Variants in ACSBG1 observed in about 807,000 individuals in gnomAD.
The protein encoded by ACSBG1 is long-chain-fatty-acid--CoA ligase ACSBG1.
A neutral mutation model predicts 80.2 loss-of-function variants in ACSBG1; 39 were observed. The ratio of observed to expected loss-of-function variants is 0.49; its 90% CI spans 0.38 to 0.64. The LOEUF is 0.64. Ranked by LOEUF, ACSBG1 falls within the 30% of genes least tolerant of loss-of-function variation. The pLI, the probability that ACSBG1 is intolerant of heterozygous loss-of-function variation, is 0.00. For synonymous variants in ACSBG1, 392 were observed against 379.5 expected (o/e 1.03, Z -0.38); for missense variants, 828 against 966.4 (o/e 0.86, Z 1.90).
chr15:78,209,114 T>C (rs762120381), intron 1 of ACSBG1: 8 of 455,656 alleles, frequency 1.8e-5, no homozygotes, highest in South Asian at 1.2e-4. Context: ...GCCCCATCCC[T>C]GCCCAGTTCC....
chr15:78,173,513 C>T, intron 13 of ACSBG1, 80 bp downstream of exon 13: 1 of 1,551,160 alleles, frequency 6.4e-7, no homozygotes, highest in South Asian at 1.2e-5. Flanking sequence ...GTGGCTGCTT[C>T]CTAACAGGCA....
In ACSBG1 at chr15:78,194,598, C is replaced by T. The variant is rs147550012; in HGVS notation, c.361G>A (p.Ala121Thr). ...EALDKYGDLIALGFKRQDKWE... is the reference protein window; with the variant it reads ...EALDKYGDLITLGFKRQDKWE... The stretch of plus-strand genomic sequence containing the variant: ...TTGTCCTGGCGCTTGAAGCCCAAAG[C>T]GATGAGGTCCCCATACTTATCCAGG... Residue 121 changes from alanine (A) to threonine (T), a missense_variant, in exon 3 of 14, where the codon GCT becomes ACT. Physicochemically the swap from Ala to Thr is moderately conservative, Grantham distance 58. This residue lies in a region of ACSBG1 where 356 missense variants were observed against 363.5 expected (regional missense o/e 0.98). Transcript: ENST00000258873. 1.9e-6 allele frequency: 3 copies of T among 1,614,140 alleles called. No individual in the cohort carries two copies. Among genetic ancestry groups the T allele is most frequent in the African/African-American group, 2.7e-5 (2 of 74,952 alleles).
In ACSBG1 at chr15:78,194,649, T is replaced by A; in HGVS notation, c.310A>T (p.Thr104Ser). Residue 104 changes from threonine (T) to serine (S), a missense_variant, in exon 3 of 14, where the codon ACT (threonine) becomes TCT (serine). By Grantham distance (58) the Thr-to-Ser change is moderately conservative. This residue lies in a region of ACSBG1 where 356 missense variants were observed against 363.5 expected (regional missense o/e 0.98). Coordinates refer to ENST00000258873, the MANE Select transcript of ACSBG1 (RefSeq NM_015162.5). ...GCCTCGTAGAACATCCGATGCACAG[T>A]GTAGGGAAGCTGTGGGCAGCTGGGG... is the stretch of plus-strand genomic sequence containing the variant. The part of the protein sequence containing the change: ...IDPSCPQLPY[T>S]VHRMFYEALD... 6.2e-7 allele frequency: 1 copy of A among 1,614,186 alleles called. No homozygotes were observed. The highest frequency in any genetic ancestry group is 8.5e-7 in the Non-Finnish European group (1 of 1,180,028).
intron 5 of ACSBG1, among the ~76,000 whole-genome samples, chr15:78,192,560 G>T (rs1223127959): frequency 6.6e-6 from 1 of 152,174 alleles, no homozygotes; most frequent in African/African-American, 2.4e-5. Context: ...TGCCTCAAGG[G>T]TCTGGGCTGC....
chr15:78,234,224 A>G, intron 1 of ACSBG1, 147 bp downstream of exon 1: 1 of 1,160,704 alleles, frequency 8.6e-7, no homozygotes, highest in Non-Finnish European at 1.2e-6. Flanking sequence ...CTTCCATCTT[A>G]CGGATCGCCC....
chr15:78,180,897 A>T lies in ACSBG1; in HGVS notation c.1111T>A (p.Ser371Thr). 6.2e-7 allele frequency: 1 copy of T among 1,614,108 alleles called. No individual in the cohort carries two copies. Among genetic ancestry groups the T allele is most frequent in the South Asian group, 1.1e-5 (1 of 91,086 alleles). The change falls in exon 9 of 14, where the codon TCA becomes ACA. Residue 371 changes from serine (S) to threonine (T), a missense_variant. Coordinates refer to ENST00000258873, the MANE Select transcript of ACSBG1 (RefSeq NM_015162.5). ...CATACCCGGGGCACCCCCATGTGTG[A>T]TGTGGGCTCCACCTCCCGCAGCGTG... ...VNTLREVEPT[S>T]HMGVPRVWEK...
intron 2 of ACSBG1, among the ~76,000 whole-genome samples, chr15:78,207,551 C>T (rs1423927564): frequency 6.6e-6 from 1 of 151,988 alleles, no homozygotes; most frequent in Non-Finnish European, 1.5e-5. Flanking sequence ...AAGAAGATAA[C>T]ATGTAATGTT....
At chr15:78,229,924 G>T (rs2075432576) in intron 1 of ACSBG1, among the ~76,000 whole-genome samples, 1 of 152,152 alleles carries the variant, frequency 6.6e-6, no homozygotes, top group Admixed American at 6.5e-5. Flanking sequence ...CCAGTCTCAT[G>T]GCCACCCGTA....
At chr15:78,187,951 T>A (rs1156346799) in intron 5 of ACSBG1, among the ~76,000 whole-genome samples, 2 of 152,090 alleles carry the variant, frequency 1.3e-5, no homozygotes, top group Admixed American at 1.3e-4. Flanking sequence ...AAAATCTCCT[T>A]AAGCTGATAA....
intron 5 of ACSBG1, among the ~76,000 whole-genome samples, chr15:78,189,262 C>T (rs35815730): frequency 6.8e-6 from 1 of 146,546 alleles, no homozygotes; most frequent in Non-Finnish European, 1.5e-5. Flanking sequence ...AGTCAGTGTG[C>T]CGATTCCTCA....
chr15:78,216,496 G>A (rs1317679886), intron 1 of ACSBG1, among the ~76,000 whole-genome samples: 1 of 152,192 alleles, frequency 6.6e-6, no homozygotes, highest in Admixed American at 6.5e-5. Flanking sequence ...CCCAGTCTCG[G>A]TTTTCCAGCT....
At chr15:78,215,742 GA>G (rs776710473) in intron 1 of ACSBG1, among the ~76,000 whole-genome samples, 3 of 141,494 alleles carry the variant, frequency 2.1e-5, no homozygotes, top group Non-Finnish European at 4.6e-5. Context: ...AAGAAAGAAA[GA>G]AAGAAAGAAA....
In ACSBG1 at chr15:78,180,862, G is replaced by C. The variant is rs1567080617; in HGVS notation, c.1146C>G (p.Ile382Met). ...CCGCCACCTCCTGGATGCGCTCCAT[G>C]ATCTTCTCCCATACCCGGGGCACCC... ...HMGVPRVWEK[I>M]MERIQEVAAQ... Residue 382 changes from isoleucine to methionine, a missense_variant, in exon 9 of 14, where the codon ATC becomes ATG. Physicochemically the swap from Ile to Met is conservative, Grantham distance 10 (BLOSUM62 1). This residue lies in a region of ACSBG1 where 271 missense variants were observed against 375.9 expected (regional missense o/e 0.72). Transcript: ENST00000258873. The C allele has an allele frequency of 6.2e-7, 1 of 1,614,190 alleles. No individual in the cohort carries two copies. Among genetic ancestry groups the C allele is most frequent in the East Asian group, 2.2e-5 (1 of 44,882 alleles).
chr15:78,173,275 G>A (rs2074844715), intron 13 of ACSBG1, among the ~76,000 whole-genome samples: 1 of 147,134 alleles, frequency 6.8e-6, no homozygotes, highest in African/African-American at 2.5e-5. Context: ...AACCCGCGAG[G>A]TGCAGGTTGC....
At chr15:78,207,927 CACCCA>C in intron 2 of ACSBG1, 70 bp downstream of exon 2, 1 of 784,756 alleles carries the variant, frequency 1.3e-6, no homozygotes, top group Non-Finnish European at 2.1e-6. Flanking sequence ...TCCCCCACAC[CACCCA>C]CCCCTCCAGC....
In ACSBG1 at chr15:78,215,651, C is replaced by T. The variant is rs143004778; in HGVS notation, c.132-7549G>A. ...AGCCTGGGCAACAAGAGCAAAACTT[C>T]GAAAAAGAAAGAAAAGAAAAAAGAA... On this transcript the variant is annotated intron_variant, in intron 1 of 13. Coordinates refer to ENST00000258873, the MANE Select transcript of ACSBG1 (RefSeq NM_015162.5). Among the ~76,000 whole-genome samples the T allele has an allele frequency of 3.7e-3, 435 of 117,826 alleles. 1 individual carries two copies. The highest frequency in any genetic ancestry group is 0.012 in the African/African-American group (387 of 31,170). The allele number at this position is 117,826 out of a possible 152,430, so 77.3% of individuals were successfully genotyped here.
chr15:78,221,426 C>T (rs563885319), intron 1 of ACSBG1, among the ~76,000 whole-genome samples: 37 of 152,262 alleles, frequency 2.4e-4, no homozygotes, highest in Middle Eastern at 3.4e-3. Context: ...CTCAGTGTAG[C>T]AAAGAGTAAC....
At chr15:78,225,524 AC>A (rs1466574589) in intron 1 of ACSBG1, among the ~76,000 whole-genome samples, 2 of 152,186 alleles carry the variant, frequency 1.3e-5, no homozygotes, top group African/African-American at 4.8e-5. Context: ...TGTGCAAGAT[AC>A]CTACACTGAA....
chr15:78,173,184 A>G (rs1451258603), intron 13 of ACSBG1, among the ~76,000 whole-genome samples: 1 of 151,844 alleles, frequency 6.6e-6, no homozygotes, highest in East Asian at 1.9e-4. Context: ...TGTCTCTACT[A>G]AAAATACAAA....
Sources: allele counts gnomAD v4.1 joint callset (sites outside exome capture counted in the v4.1 genomes callset), GRCh38; gene constraint gnomAD v4.1.1; regional missense constraint gnomAD v4.1.1; transcripts MANE v1.5; gene names NCBI Gene and HGNC (gene_info 2026-07-23, HGNC 2026-07-21).